CDH20: variants seen among roughly 807,000 people sequenced by gnomAD.
The protein encoded by CDH20 is cadherin 20.
CDH20 carries 29 observed loss-of-function variants against 74.2 expected under a neutral mutation model. That is an observed-to-expected ratio of 0.39 (90% CI 0.29 to 0.53). CDH20 has a LOEUF of 0.53. CDH20 is among the 20% of genes least tolerant of loss of function. CDH20 has a pLI of 0.69. For missense variants in CDH20, 988 were observed against 1,048.3 expected (o/e 0.94, Z 0.79); for synonymous variants, 469 against 405.4 (o/e 1.16, Z -1.88).
At chr18:61,351,248 G>C (rs1340420192) in intron 1 of CDH20, among the ~76,000 whole-genome samples, 1 of 152,134 alleles carries the variant, frequency 6.6e-6, no homozygotes. Context: ...GCTGGTCCCA[G>C]GGTTACTTAT....
At position 61,458,126 on chromosome 18, in the gene CDH20, C is replaced by T. The variant is rs115611754; in HGVS notation, c.-152-32276C>T. Among the ~76,000 whole-genome samples, 403 of 152,254 alleles carry T rather than the reference C, an allele frequency of 2.6e-3. 2 individuals carry two copies. Among genetic ancestry groups the T allele is most frequent in the African/African-American group, 9.1e-3 (380 of 41,554 alleles). ...TCTTTTGTTGTCTGCCTGAGTCTTG[C>T]TATGAGACCTTCTCCATCTGGTTGC... On this transcript the variant is annotated intron_variant, in intron 1 of 11. Transcript: ENST00000262717.
At chr18:61,504,739 G>C (rs1034014367) in intron 5 of CDH20, among the ~76,000 whole-genome samples, 1 of 152,112 alleles carries the variant, frequency 6.6e-6, no homozygotes, top group African/African-American at 2.4e-5. Context: ...AGTCTAGCCA[G>C]ACTAGCCAGA....
At chr18:61,527,000 G>T (rs1912436164) in intron 6 of CDH20, among the ~76,000 whole-genome samples, 2 of 152,104 alleles carry the variant, frequency 1.3e-5, no homozygotes, top group South Asian at 4.1e-4. Context: ...GACCAACATG[G>T]TGAAACCCTG....
At chr18:61,344,139 A>C (rs1910042208) in intron 1 of CDH20, among the ~76,000 whole-genome samples, 1 of 152,202 alleles carries the variant, frequency 6.6e-6, no homozygotes, top group Admixed American at 6.5e-5. Context: ...TATTTTCTCT[A>C]ACCCGCAAAG....
chr18:61,438,237 T>C (rs1908900999), intron 1 of CDH20, among the ~76,000 whole-genome samples: 1 of 152,158 alleles, frequency 6.6e-6, no homozygotes, highest in Non-Finnish European at 1.5e-5. Context: ...TTGACTCCTC[T>C]GACAATGAGT....
intron 2 of CDH20, among the ~76,000 whole-genome samples, chr18:61,493,327 C>G (rs1911025067): frequency 6.6e-6 from 1 of 152,148 alleles, no homozygotes; most frequent in Non-Finnish European, 1.5e-5. Flanking sequence ...CTGCCTGTCT[C>G]CCTGTGAAAA....
chr18:61,487,655 A>C (rs774481761), intron 1 of CDH20, among the ~76,000 whole-genome samples: 1 of 152,186 alleles, frequency 6.6e-6, no homozygotes, highest in African/African-American at 2.4e-5. Flanking sequence ...GAGGAAAATA[A>C]GAATTTGCAC....
chr18:61,471,788 T>C (rs1247308769), intron 1 of CDH20, among the ~76,000 whole-genome samples: 1 of 152,140 alleles, frequency 6.6e-6, no homozygotes, highest in Non-Finnish European at 1.5e-5. Flanking sequence ...CTGTCGGTAA[T>C]GACAGGTTTC....
At chr18:61,424,246 C>A (rs56672205) in intron 1 of CDH20, among the ~76,000 whole-genome samples, 1 of 152,174 alleles carries the variant, frequency 6.6e-6, no homozygotes. Context: ...TCTTCTAGTT[C>A]GTCTATTTTG....
In CDH20 at chr18:61,490,816, A is replaced by G. The variant is rs764644936; in HGVS notation, c.246+17A>G. On this transcript the variant is annotated intron_variant, in intron 2 of 11. Transcript: ENST00000262717. ...GTCGGCAAGGTAAGAAATGCCAAGT[A>G]GAAATGACCCGGGTATTGGATATTG... 5.6e-6 allele frequency: 9 copies of G among 1,613,146 alleles called. No individual in the cohort carries two copies. The African/African-American group carries it at 1.2e-4, about 22-fold the overall frequency.
intron 1 of CDH20, among the ~76,000 whole-genome samples, chr18:61,358,271 C>A (rs1262605849): frequency 1.3e-5 from 2 of 151,598 alleles, no homozygotes; most frequent in Non-Finnish European, 2.9e-5. Context: ...CCCGCCACCA[C>A]ACCCAGCTAA....
intron 1 of CDH20, among the ~76,000 whole-genome samples, chr18:61,487,270 T>C (rs1471539369): frequency 3.3e-5 from 5 of 152,188 alleles, no homozygotes; most frequent in Non-Finnish European, 5.9e-5. Flanking sequence ...GCTATTCATA[T>C]CCTCTAGGGA....
chr18:61,342,132 A>G (rs894761014), intron 1 of CDH20, among the ~76,000 whole-genome samples: 4 of 152,246 alleles, frequency 2.6e-5, no homozygotes, highest in Non-Finnish European at 2.9e-5. Flanking sequence ...AAACACAGGA[A>G]AACAACAGAT....
chr18:61,454,824 A>G (rs1909518100), intron 1 of CDH20, among the ~76,000 whole-genome samples: 1 of 152,246 alleles, frequency 6.6e-6, no homozygotes, highest in African/African-American at 2.4e-5. Flanking sequence ...AGCATAAAAC[A>G]GCATCCTCGG....
chr18:61,356,518 C>A (rs1033806879), intron 1 of CDH20, among the ~76,000 whole-genome samples: 4 of 152,142 alleles, frequency 2.6e-5, no homozygotes, highest in African/African-American at 9.7e-5. Context: ...CCTAGATATA[C>A]AAAGGAAAAC....
chr18:61,405,488 G>A (rs1449692245), intron 1 of CDH20, among the ~76,000 whole-genome samples: 3 of 152,318 alleles, frequency 2.0e-5, no homozygotes, highest in East Asian at 1.9e-4. Flanking sequence ...CCAGGGGGCT[G>A]AGGCAGGAGG....
chr18:61,539,077 A>G lies in CDH20; in HGVS notation c.1462A>G (p.Asn488Asp). ...VPVTIKVLDV[N>D]DNAPEFPRFY... ...TGTCACAATCAAAGTCTTAGATGTG[A>G]ATGACAATGCTCCAGAGTTCCCCAG... Residue 488 changes from asparagine to aspartate, a missense_variant, in exon 9 of 12, where the codon AAT (asparagine) becomes GAT (aspartate). By Grantham distance (23) the Asn-to-Asp change is conservative (BLOSUM62 1). Transcript: ENST00000262717. 1 of 1,614,044 alleles carries G rather than the reference A, an allele frequency of 6.2e-7. No homozygotes were observed. Among genetic ancestry groups the G allele is most frequent in the Non-Finnish European group, 8.5e-7 (1 of 1,179,952 alleles).
chr18:61,480,816 T>C (rs931478747), intron 1 of CDH20, among the ~76,000 whole-genome samples: 2 of 152,222 alleles, frequency 1.3e-5, no homozygotes, highest in African/African-American at 4.8e-5. Context: ...ATCTCACAGT[T>C]CTAGTAGACT....
At chr18:61,513,895 G>T (rs1258477938) in intron 6 of CDH20, among the ~76,000 whole-genome samples, 1 of 152,020 alleles carries the variant, frequency 6.6e-6, no homozygotes, top group African/African-American at 2.4e-5. Flanking sequence ...GCTTCCCTTT[G>T]AGGGTAACCC....
Sources: gnomAD v4.1 joint callset for allele counts (sites outside exome capture counted in the v4.1 genomes callset) on GRCh38, gnomAD v4.1.1 for gene constraint, MANE v1.5 for transcripts, NCBI Gene and HGNC (gene_info 2026-07-23, HGNC 2026-07-21) for gene names.